The following SNRK variants were observed in gnomAD, a reference collection of about 807,000 sequenced individuals.
SNRK encodes SNF related kinase, also known as SNF-related serine/threonine-protein kinase.
A neutral mutation model predicts 48.2 loss-of-function variants in SNRK; 3 were observed. The observed-to-expected ratio is 0.06, with a 90% confidence interval of 0.03 to 0.16. The LOEUF is 0.16. Among genes scored for constraint, SNRK ranks in the 10% least tolerant of loss-of-function variants. SNRK has a pLI of 1.00. For missense variants in SNRK, 627 were observed against 976.0 expected (o/e 0.64, Z 4.76); for synonymous variants, 376 against 366.1 (o/e 1.03, Z -0.31).
chr3:43,315,911 C>T (rs76161159), intron 3 of SNRK, among the ~76,000 whole-genome samples: 3,240 of 152,182 alleles, frequency 0.021, 65 homozygotes, highest in South Asian at 0.069. Flanking sequence ...TCATATAAAA[C>T]GAGAAGGAAA....
At chr3:43,322,453 G>A (rs949553234) in intron 3 of SNRK, among the ~76,000 whole-genome samples, 4 of 152,202 alleles carry the variant, frequency 2.6e-5, no homozygotes, top group Admixed American at 6.5e-5. Context: ...ATGCAAACAA[G>A]TTGGGGCAAT....
At chr3:43,331,696 GC>G (rs1213878498) in intron 3 of SNRK, among the ~76,000 whole-genome samples, 1 of 151,984 alleles carries the variant, frequency 6.6e-6, no homozygotes, top group Non-Finnish European at 1.5e-5. Flanking sequence ...TAATTTTCTT[GC>G]GTATAAAATG....
chr3:43,332,264 G>T lies in SNRK; in HGVS notation c.685G>T (p.Asp229Tyr). The change falls in exon 4 of 7, where the codon GAT (aspartate) becomes TAT (tyrosine). Residue 229 changes from aspartate to tyrosine, a missense_variant. Coordinates refer to ENST00000296088, the MANE Select transcript of SNRK (RefSeq NM_017719.5). ...CAGTGAAACACTGACAATGATCATG[G>T]ATTGCAAATATACAGTACCATCCCA... ...NDSETLTMIMDCKYTVPSHVS... is the reference protein window; with the variant it reads ...NDSETLTMIMYCKYTVPSHVS... 6.3e-7 allele frequency: 1 copy of T among 1,598,738 alleles called. No individual in the cohort carries two copies. The highest frequency in any genetic ancestry group is 1.1e-5 in the South Asian group (1 of 87,192).
intron 3 of SNRK, among the ~76,000 whole-genome samples, chr3:43,312,080 CT>C (rs1023554978): frequency 8.5e-5 from 13 of 152,078 alleles, no homozygotes; most frequent in Non-Finnish European, 1.8e-4. Flanking sequence ...GGTTTGGAGT[CT>C]TCTAGGATGT....
Position 43,295,007 on chromosome 3 carries a change from A to C in SNRK, c.-168-4747A>C, listed in dbSNP as rs79097894. ...GTCATTACTTATTATGTGAACACTTAATGCTGGAGTTGTCACCATACTAAT... is the reference window on the plus strand; with the variant it reads ...GTCATTACTTATTATGTGAACACTTCATGCTGGAGTTGTCACCATACTAAT... On this transcript the variant is annotated intron_variant, in intron 1 of 6. Transcript: ENST00000296088. 1.1e-3 allele frequency among the ~76,000 whole-genome samples: 160 copies of C among 152,318 alleles called. 1 individual carries two copies. The highest frequency in any genetic ancestry group is 3.6e-3 in the African/African-American group (148 of 41,574).
At position 43,347,431 on chromosome 3, in the gene SNRK, C is replaced by G; in HGVS notation, c.1172C>G (p.Pro391Arg). 6.2e-7 allele frequency: 1 copy of G among 1,614,084 alleles called. No individual in the cohort carries two copies. Among genetic ancestry groups the G allele is most frequent in the Admixed American group, 1.7e-5 (1 of 60,008 alleles). Residue 391 changes from proline (P) to arginine (R), a missense_variant, in exon 7 of 7, where the codon CCT (proline) becomes CGT (arginine). By Grantham distance (103) the Pro-to-Arg change is moderately radical (BLOSUM62 -2). This residue lies in a region of SNRK where 175 missense variants were observed against 209.7 expected (regional missense o/e 0.83). Coordinates refer to ENST00000296088, the MANE Select transcript of SNRK (RefSeq NM_017719.5). This position sits in a 1 kb window ranked among gnomAD's most constrained non-coding sequence, Gnocchi z 5.4. ...PLSHATVPQS[P>R]ARAADSVLNG... is the part of the protein sequence containing the mutation. Reference sequence around the variant, plus strand: ...TCCCACGCGACTGTCCCTCAGTCTCCTGCTCGGGCTGCTGACAGTGTCCTC... The same window carrying G: ...TCCCACGCGACTGTCCCTCAGTCTCGTGCTCGGGCTGCTGACAGTGTCCTC...
At chr3:43,291,005 G>A (rs2090807840) in intron 1 of SNRK, among the ~76,000 whole-genome samples, 1 of 152,196 alleles carries the variant, frequency 6.6e-6, no homozygotes, top group Non-Finnish European at 1.5e-5. Flanking sequence ...TGCTGTGAGT[G>A]AGTATAGGGA....
At chr3:43,307,774 G>A (rs2090949992) in intron 3 of SNRK, among the ~76,000 whole-genome samples, 1 of 152,122 alleles carries the variant, frequency 6.6e-6, no homozygotes, top group Non-Finnish European at 1.5e-5. Flanking sequence ...ATTAATTACA[G>A]TGGCCTCTAA....
intron 1 of SNRK, among the ~76,000 whole-genome samples, chr3:43,291,040 G>A (rs1055937800): frequency 6.6e-6 from 1 of 152,128 alleles, no homozygotes; most frequent in Non-Finnish European, 1.5e-5. Flanking sequence ...GAGTTGGGGA[G>A]GGCAAGGGGA....
intron 3 of SNRK, among the ~76,000 whole-genome samples, chr3:43,316,413 T>C (rs1418276777): frequency 6.6e-6 from 1 of 152,152 alleles, no homozygotes; most frequent in African/African-American, 2.4e-5. Flanking sequence ...TGACTTGGCT[T>C]AGGGTCATAT....
intron 3 of SNRK, among the ~76,000 whole-genome samples, chr3:43,319,278 A>T (rs2091035839): frequency 6.6e-6 from 1 of 152,194 alleles, no homozygotes; most frequent in African/African-American, 2.4e-5. Flanking sequence ...TAATATTTTT[A>T]AAATTTTAAT....
chr3:43,307,132 C>A lies in SNRK; in HGVS notation c.589+3340C>A, dbSNP rs13082581. 5.9e-5 allele frequency among the ~76,000 whole-genome samples: 9 copies of A among 152,108 alleles called. No homozygotes were observed. The South Asian group carries it at 1.7e-3, about 28-fold the overall frequency. On this transcript the variant is annotated intron_variant, in intron 3 of 6. Transcript: ENST00000296088. ...GAGAGAATAATGGTAGTCTTCTATT[C>A]TCATCTGTGAATTTTGTAATTTAAC...
chr3:43,329,649 A>G (rs529136754), intron 3 of SNRK, among the ~76,000 whole-genome samples: 90 of 152,318 alleles, frequency 5.9e-4, no homozygotes, highest in African/African-American at 2.0e-3. Context: ...TAGCATTTCT[A>G]TATTTAGAAA....
At position 43,350,644 on chromosome 3, in the gene SNRK, A is replaced by G. The variant is rs1468016857; in HGVS notation, c.*2087A>G. ...TGAGTGGTGTCTTACTCCTTTGTTTATAAGTGAATGATTGTGCATGTTTTG... is the reference window on the plus strand; with the variant it reads ...TGAGTGGTGTCTTACTCCTTTGTTTGTAAGTGAATGATTGTGCATGTTTTG... On this transcript the variant is annotated 3_prime_UTR_variant, in exon 7 of 7. Coordinates refer to ENST00000296088, the MANE Select transcript of SNRK (RefSeq NM_017719.5). 1 of 152,570 alleles carries G rather than the reference A, an allele frequency of 6.6e-6. No individual in the cohort carries two copies. The highest frequency in any genetic ancestry group is 1.5e-5 in the Non-Finnish European group (1 of 68,036). The allele number at this position is 152,570 out of a possible 1,614,324, so 9.5% of individuals were successfully genotyped here.
chr3:43,320,675 T>C (rs539809021), intron 3 of SNRK, among the ~76,000 whole-genome samples: 50 of 151,438 alleles, frequency 3.3e-4, no homozygotes, highest in African/African-American at 9.1e-4. Context: ...GTTTTTTTTT[T>C]CCCCAAATTT....
rs1197798199 is a variant in SNRK, at chr3:43,303,139, A to G, written c.-65A>G. On this transcript the variant is annotated 5_prime_UTR_variant, in exon 3 of 7. Coordinates refer to ENST00000296088, the MANE Select transcript of SNRK (RefSeq NM_017719.5). The surrounding 1 kb of genome is among the most constrained non-coding windows in gnomAD (Gnocchi z 6.2). ...TGAAAATGAATTTTTTGTATTCACC[A>G]GATATTCTTATATGAGAAGATCTAT... is the stretch of plus-strand genomic sequence containing the variant. 2 of 1,173,958 alleles carry G rather than the reference A, an allele frequency of 1.7e-6. No individual in the cohort carries two copies. Among genetic ancestry groups the G allele is most frequent in the African/African-American group, 1.5e-5 (1 of 65,008 alleles). 72.7% of individuals were successfully genotyped at this position (1,173,958 alleles called of 1,614,324 possible). A position where few individuals can be genotyped will look rare whatever the true frequency, so the allele number is the denominator to read the frequency against.
In SNRK at chr3:43,349,618, T is replaced by TAG. The variant is rs2091307554; in HGVS notation, c.*1062_*1063insGA. 1 of 152,090 alleles carries TAG rather than the reference T, an allele frequency of 6.6e-6. No individual in the cohort carries two copies. The highest frequency in any genetic ancestry group is 1.5e-5 in the Non-Finnish European group (1 of 68,036). 9.4% of individuals were successfully genotyped at this position (152,090 alleles called of 1,614,324 possible). A position where few individuals can be genotyped will look rare whatever the true frequency, so the allele number is the denominator to read the frequency against. ...TACATAAAAGGGTAAAATTCACACA[T>TAG]ACAGCAAACAAAAATGCACAAAGCC... On this transcript the variant is annotated 3_prime_UTR_variant, in exon 7 of 7. Coordinates refer to ENST00000296088, the MANE Select transcript of SNRK (RefSeq NM_017719.5).
chr3:43,327,727 T>C (rs540797662), intron 3 of SNRK, among the ~76,000 whole-genome samples: 1 of 152,294 alleles, frequency 6.6e-6, no homozygotes, highest in South Asian at 2.1e-4. Context: ...TTTATTCTGT[T>C]TTGTTTTCAT....
intron 5 of SNRK, among the ~76,000 whole-genome samples, chr3:43,342,733 G>A (rs779343607): frequency 1.4e-4 from 21 of 152,184 alleles, no homozygotes; most frequent in Non-Finnish European, 1.9e-4. Context: ...TCCCAGCACC[G>A]TGTCTAGCCA....
Sources: gnomAD v4.1 joint callset for allele counts (sites outside exome capture counted in the v4.1 genomes callset) on GRCh38, gnomAD v4.1.1 for gene constraint, gnomAD v4.1.1 regional missense constraint, Gnocchi (gnomAD v3.1) non-coding constraint, MANE v1.5 for transcripts, NCBI Gene and HGNC (gene_info 2026-07-23, HGNC 2026-07-21) for gene names.